GRIK2: variants seen among roughly 807,000 people sequenced by gnomAD.
GRIK2 encodes the protein glutamate ionotropic receptor kainate type subunit 2.
Under a neutral mutation model 100.3 loss-of-function variants are expected in GRIK2, and 32 were observed. The ratio of observed to expected loss-of-function variants is 0.32; its 90% CI spans 0.24 to 0.43. GRIK2 has a LOEUF of 0.43. Among genes scored for constraint, GRIK2 ranks in the 20% least tolerant of loss-of-function variants. GRIK2 has a pLI of 1.00. For missense variants in GRIK2, 843 were observed against 1,114.9 expected (o/e 0.76, Z 3.47); for synonymous variants, 417 against 389.4 (o/e 1.07, Z -0.83).
At chr6:102,044,187 C>A (rs1770754619) in intron 15 of GRIK2, among the ~76,000 whole-genome samples, 1 of 151,960 alleles carries the variant, frequency 6.6e-6, no homozygotes, top group Admixed American at 6.6e-5. Flanking sequence ...ATTTTAATCA[C>A]CAAATGGTGT....
At chr6:101,973,468 T>C (rs1793183091) in intron 14 of GRIK2, among the ~76,000 whole-genome samples, 1 of 151,926 alleles carries the variant, frequency 6.6e-6, no homozygotes. Context: ...AAACTTATAA[T>C]GCAAGACATA....
chr6:101,920,375 A>G (rs923242499), intron 12 of GRIK2, among the ~76,000 whole-genome samples: 2 of 151,978 alleles, frequency 1.3e-5, no homozygotes, highest in Non-Finnish European at 2.9e-5. Context: ...TAAAATGAGG[A>G]AGATTCCAGG....
At chr6:101,702,594 C>G (rs1366179661) in intron 7 of GRIK2, among the ~76,000 whole-genome samples, 1 of 151,894 alleles carries the variant, frequency 6.6e-6, no homozygotes, top group African/African-American at 2.4e-5. Flanking sequence ...GTCTCAAGCA[C>G]TGTTTTTGGA....
chr6:101,784,206 A>G (rs573559954), intron 7 of GRIK2, among the ~76,000 whole-genome samples: 1 of 152,352 alleles, frequency 6.6e-6, no homozygotes, highest in East Asian at 1.9e-4. Context: ...AATTGGCTTC[A>G]TGGGCCAGGC....
intron 12 of GRIK2, among the ~76,000 whole-genome samples, chr6:101,921,787 T>C (rs1418868333): frequency 6.6e-6 from 1 of 151,978 alleles, no homozygotes; most frequent in East Asian, 1.9e-4. Context: ...ATGAATCAAA[T>C]TGAGAAAGAG....
At position 102,035,531 on chromosome 6, in the gene GRIK2, T is replaced by C; in HGVS notation, c.2276T>C (p.Ile759Thr). The C allele has an allele frequency of 6.2e-7, 1 of 1,608,376 alleles. No individual in the cohort carries two copies. The highest frequency in any genetic ancestry group is 8.5e-7 in the Non-Finnish European group (1 of 1,175,746). Residue 759 changes from isoleucine (I) to threonine (T), a missense_variant, in exon 15 of 17, where the codon ATA becomes ACA. Ile to Thr is a moderately conservative substitution (Grantham distance 89). This residue lies in a region of GRIK2 where 237 missense variants were observed against 388.0 expected (regional missense o/e 0.61). Coordinates refer to ENST00000369134, the MANE Select transcript of GRIK2 (RefSeq NM_021956.5). ...NCNLTQIGGL[I>T]DSKGYGVGTP... is the part of the protein sequence containing the mutation. ...AACCTGACACAGATTGGCGGCCTTATAGACTCTAAAGGTTATGGCGTTGGC... is the reference window on the plus strand; with the variant it reads ...AACCTGACACAGATTGGCGGCCTTACAGACTCTAAAGGTTATGGCGTTGGC...
intron 7 of GRIK2, among the ~76,000 whole-genome samples, chr6:101,729,387 G>A (rs1044729270): frequency 4.0e-5 from 6 of 151,802 alleles, no homozygotes; most frequent in Non-Finnish European, 5.9e-5. Flanking sequence ...TACAAAGCTT[G>A]CCTTAGACAT....
At chr6:101,667,228 T>A (rs376264693) in intron 4 of GRIK2, among the ~76,000 whole-genome samples, 52 of 152,252 alleles carry the variant, frequency 3.4e-4, no homozygotes, top group African/African-American at 1.2e-3. Flanking sequence ...CTCTCCCACT[T>A]AGGCTTTCCT....
At chr6:101,984,581 CT>C (rs1793906452) in intron 14 of GRIK2, among the ~76,000 whole-genome samples, 2 of 144,820 alleles carry the variant, frequency 1.4e-5, no homozygotes, top group East Asian at 4.3e-4. Flanking sequence ...ATCAGATATA[CT>C]TGTGGTTTAT....
chr6:101,445,479 C>T (rs1425485601), intron 2 of GRIK2, among the ~76,000 whole-genome samples: 1 of 152,060 alleles, frequency 6.6e-6, no homozygotes. Context: ...TGCCCTCTTA[C>T]ATCTTATTCA....
intron 7 of GRIK2, among the ~76,000 whole-genome samples, chr6:101,703,307 T>C (rs1773024808): frequency 6.6e-6 from 1 of 151,668 alleles, no homozygotes; most frequent in Admixed American, 6.6e-5. Flanking sequence ...GAAGCAAAGG[T>C]GATTGAAGAT....
At chr6:101,627,343 T>C in intron 4 of GRIK2, among the ~76,000 whole-genome samples, 1 of 152,140 alleles carries the variant, frequency 6.6e-6, no homozygotes, top group East Asian at 1.9e-4. Context: ...GGTTTCATCA[T>C]GTTGGCCAGG....
At chr6:101,678,570 T>A (rs1373536092) in intron 5 of GRIK2, among the ~76,000 whole-genome samples, 2 of 152,136 alleles carry the variant, frequency 1.3e-5, no homozygotes, top group Admixed American at 6.5e-5. Context: ...CATTTGAATT[T>A]TCCAGTTATT....
chr6:101,831,629 T>A (rs191991588), intron 10 of GRIK2, among the ~76,000 whole-genome samples: 1 of 152,156 alleles, frequency 6.6e-6, no homozygotes. Flanking sequence ...ATAATATCAA[T>A]CAACTGTTAT....
intron 14 of GRIK2, among the ~76,000 whole-genome samples, chr6:102,023,820 G>A (rs905667319): frequency 6.6e-6 from 1 of 151,382 alleles, no homozygotes; most frequent in Non-Finnish European, 1.5e-5. Context: ...GAAAGAGAGA[G>A]TTTAGTGAGT....
At chr6:101,943,814 T>C (rs547866803) in intron 14 of GRIK2, among the ~76,000 whole-genome samples, 1 of 152,334 alleles carries the variant, frequency 6.6e-6, no homozygotes, top group South Asian at 2.1e-4. Context: ...AAGATACTTA[T>C]CTTGTCTCAG....
At chr6:101,818,791 C>A (rs141969553) in intron 10 of GRIK2, among the ~76,000 whole-genome samples, 1 of 152,106 alleles carries the variant, frequency 6.6e-6, no homozygotes, top group Non-Finnish European at 1.5e-5. Context: ...TTGAAAAATA[C>A]GTGCAGCTCT....
intron 7 of GRIK2, among the ~76,000 whole-genome samples, chr6:101,719,541 C>G (rs747121598): frequency 9.9e-5 from 15 of 151,828 alleles, no homozygotes; most frequent in Admixed American, 5.3e-4. Flanking sequence ...AAATAATGAG[C>G]CTTCAACAAG....
At chr6:101,748,109 G>A (rs749860313) in intron 7 of GRIK2, among the ~76,000 whole-genome samples, 9 of 152,120 alleles carry the variant, frequency 5.9e-5, no homozygotes, top group Non-Finnish European at 1.2e-4. Flanking sequence ...GGCAATCTTG[G>A]TTGGGTTAAG....
Sources: gnomAD v4.1 joint callset for allele counts (sites outside exome capture counted in the v4.1 genomes callset) on GRCh38, gnomAD v4.1.1 for gene constraint, gnomAD v4.1.1 regional missense constraint, MANE v1.5 for transcripts, NCBI Gene and HGNC (gene_info 2026-07-23, HGNC 2026-07-21) for gene names.